Variants in NCK2 observed in about 807,000 individuals in gnomAD.
The protein encoded by NCK2 is NCK adaptor protein 2.
A neutral mutation model predicts 33.9 loss-of-function variants in NCK2; 16 were observed. The observed-to-expected ratio is 0.47, with a 90% CI of 0.32 to 0.72. The LOEUF is 0.72. Among genes scored for constraint, NCK2 ranks in the 30% least tolerant of loss-of-function variants. The probability of loss-of-function intolerance (pLI) is 0.03; values close to 1 mark genes in which losing one functional copy is unlikely to be tolerated. For missense variants in NCK2, 418 were observed against 537.3 expected, an observed-to-expected ratio of 0.78 and a Z score of 2.19; for synonymous variants, 273 against 239.9, an observed-to-expected ratio of 1.14 and a Z score of -1.27.
At chr2:105,828,641 C>A (rs1222492875) in intron 2 of NCK2, among the ~76,000 whole-genome samples, 2 of 152,220 alleles carry the variant, frequency 1.3e-5, no homozygotes, top group Non-Finnish European at 2.9e-5. Context: ...CAAGCACTAA[C>A]CCTGGGGTCA....
At chr2:105,823,128 CATGCTGTGTGTGTGTGTGTGT>C (rs1357077057) in intron 2 of NCK2, among the ~76,000 whole-genome samples, 1 of 123,770 alleles carries the variant, frequency 8.1e-6, no homozygotes, top group African/African-American at 3.4e-5. Context: ...AAAGTCCTCT[CATGCTGTGTGTGTGTGTGTGT>C]GTGTGTGTGT....
At chr2:105,810,611 G>A (rs1675259018) in intron 1 of NCK2, among the ~76,000 whole-genome samples, 1 of 152,196 alleles carries the variant, frequency 6.6e-6, no homozygotes, top group Non-Finnish European at 1.5e-5. Context: ...TAATTAAATT[G>A]TCTAGTTATG....
At chr2:105,775,582 C>T (rs1478571640) in intron 1 of NCK2, among the ~76,000 whole-genome samples, 1 of 152,022 alleles carries the variant, frequency 6.6e-6, no homozygotes, top group Non-Finnish European at 1.5e-5. Context: ...TATGCCTTAA[C>T]TTAAATTGTC....
chr2:105,834,023 T>C (rs984428412), intron 2 of NCK2, among the ~76,000 whole-genome samples: 5 of 152,272 alleles, frequency 3.3e-5, no homozygotes, highest in African/African-American at 1.2e-4. Context: ...GACTTTGATT[T>C]ATAAAAATTT....
intron 4 of NCK2, among the ~76,000 whole-genome samples, chr2:105,892,184 CAAAAA>C (rs570279488): frequency 2.2e-5 from 3 of 137,610 alleles, no homozygotes; most frequent in African/African-American, 8.1e-5. Flanking sequence ...AACTGCGTCT[CAAAAA>C]AAAAAAGAAT....
intron 2 of NCK2, among the ~76,000 whole-genome samples, chr2:105,826,420 A>G (rs1675946489): frequency 3.9e-5 from 6 of 152,180 alleles, no homozygotes; most frequent in Admixed American, 3.9e-4. Context: ...TCGAGGACCA[A>G]TTCTCTCTGC....
At chr2:105,753,993 C>T (rs759078250) in intron 1 of NCK2, among the ~76,000 whole-genome samples, 4 of 152,176 alleles carry the variant, frequency 2.6e-5, no homozygotes, top group African/African-American at 9.7e-5. Flanking sequence ...GCCAGCTTCT[C>T]GAACCTACCC....
At chr2:105,847,634 C>T (rs191393073) in intron 2 of NCK2, among the ~76,000 whole-genome samples, 67 of 151,700 alleles carry the variant, frequency 4.4e-4, no homozygotes, top group East Asian at 1.8e-3. Flanking sequence ...TGGTGGGACA[C>T]GCAGGGTACA....
At chr2:105,821,250 C>A (rs1180511378) in intron 2 of NCK2, among the ~76,000 whole-genome samples, 1 of 152,166 alleles carries the variant, frequency 6.6e-6, no homozygotes, top group Non-Finnish European at 1.5e-5. Flanking sequence ...GACTTTGCCC[C>A]CAACAGGTTA....
At chr2:105,800,550 G>A (rs1674789029) in intron 1 of NCK2, among the ~76,000 whole-genome samples, 1 of 152,176 alleles carries the variant, frequency 6.6e-6, no homozygotes, top group South Asian at 2.1e-4. Context: ...ATATGTGTGT[G>A]TGATTAGCCC....
At chr2:105,762,702 C>A (rs775627837) in intron 1 of NCK2, among the ~76,000 whole-genome samples, 1 of 152,212 alleles carries the variant, frequency 6.6e-6, no homozygotes, top group African/African-American at 2.4e-5. Context: ...TTTCCTGTTA[C>A]ATAATAGTGA....
intron 1 of NCK2, among the ~76,000 whole-genome samples, chr2:105,751,113 A>G (rs932027179): frequency 2.6e-5 from 4 of 152,194 alleles, no homozygotes; most frequent in Non-Finnish European, 4.4e-5. Context: ...TTGCTCATTC[A>G]TTCACATTCA....
chr2:105,891,266 GTTTTC>G (rs1678964366), intron 4 of NCK2, among the ~76,000 whole-genome samples: 1 of 150,578 alleles, frequency 6.6e-6, no homozygotes, highest in Non-Finnish European at 1.5e-5. Flanking sequence ...TTTTTTGTTT[GTTTTC>G]TTTTTTTTTT....
chr2:105,773,179 A>C (rs1255663274), intron 1 of NCK2, among the ~76,000 whole-genome samples: 1 of 151,914 alleles, frequency 6.6e-6, no homozygotes. Context: ...AATTACAGGC[A>C]TGAGCCACCT....
At chr2:105,796,896 T>G (rs1228651576) in intron 1 of NCK2, among the ~76,000 whole-genome samples, 1 of 152,206 alleles carries the variant, frequency 6.6e-6, no homozygotes, top group Non-Finnish European at 1.5e-5. Context: ...TCAGGAGTTG[T>G]CTTGATAAAA....
chr2:105,853,039 A>G (rs1254144820), intron 2 of NCK2, among the ~76,000 whole-genome samples: 1 of 152,208 alleles, frequency 6.6e-6, no homozygotes, highest in African/African-American at 2.4e-5. Context: ...TTATTTAAAA[A>G]TGGTATTTAT....
chr2:105,813,992 A>G (rs1675387794), intron 1 of NCK2, among the ~76,000 whole-genome samples: 1 of 152,208 alleles, frequency 6.6e-6, no homozygotes, highest in Non-Finnish European at 1.5e-5. Context: ...CTGGCTGTAG[A>G]AAATCCTTGA....
intron 2 of NCK2, chr2:105,853,741 GACA>G (rs1414816409): frequency 6.6e-6 from 1 of 152,222 alleles, no homozygotes; most frequent in Non-Finnish European, 1.5e-5. Context: ...CTAATATTAA[GACA>G]ACAAGGAAGA....
intron 2 of NCK2, among the ~76,000 whole-genome samples, chr2:105,823,984 T>TC (rs1264946137): frequency 6.6e-6 from 1 of 152,096 alleles, no homozygotes; most frequent in East Asian, 1.9e-4. Flanking sequence ...CGGCGTGAAC[T>TC]CCAAGTCAGG....
Sources: allele counts gnomAD v4.1 joint callset (sites outside exome capture counted in the v4.1 genomes callset), GRCh38; gene constraint gnomAD v4.1.1; transcripts MANE v1.5; gene names NCBI Gene and HGNC (gene_info 2026-07-23, HGNC 2026-07-21).